The following CCSER1 variants were observed in gnomAD, a reference collection of about 807,000 sequenced individuals.
The protein encoded by CCSER1 is serine-rich coiled-coil domain-containing protein 1.
In CCSER1, 41 loss-of-function variants were observed where a neutral mutation model predicts 82.0. The ratio of observed to expected loss-of-function variants is 0.50; its 90% confidence interval spans 0.39 to 0.65. The LOEUF (loss-of-function observed/expected upper bound fraction) is 0.65, where lower values mean the gene tolerates loss of function less well. CCSER1 is among the 30% of genes least tolerant of loss of function. The probability of loss-of-function intolerance (pLI) is 0.00; values close to 1 mark genes in which losing one functional copy is unlikely to be tolerated. For synonymous variants in CCSER1, 414 were observed against 383.9 expected (o/e 1.08, Z -0.92); for missense variants, 1,119 against 1,064.2 (o/e 1.05, Z -0.72).
chr4:91,375,338 A>T (rs895125109), intron 10 of CCSER1, among the ~76,000 whole-genome samples: 3 of 152,222 alleles, frequency 2.0e-5, no homozygotes, highest in Non-Finnish European at 4.4e-5. Flanking sequence ...TAAAATGACC[A>T]GAAGTAAATT....
At chr4:90,591,412 C>T (rs968799518) in intron 5 of CCSER1, among the ~76,000 whole-genome samples, 6 of 151,908 alleles carry the variant, frequency 3.9e-5, no homozygotes, top group African/African-American at 7.3e-5. Context: ...GACATTGATG[C>T]GGCCAGCAAA....
intron 10 of CCSER1, among the ~76,000 whole-genome samples, chr4:91,537,555 G>A (rs1021059739): frequency 3.9e-5 from 6 of 151,910 alleles, no homozygotes; most frequent in African/African-American, 1.4e-4. Context: ...TAAAGGACCT[G>A]ACACTTTAAA....
chr4:90,800,437 G>C (rs1168631300), intron 7 of CCSER1, among the ~76,000 whole-genome samples: 1 of 151,898 alleles, frequency 6.6e-6, no homozygotes, highest in Non-Finnish European at 1.5e-5. Flanking sequence ...AGTTTACATT[G>C]TGGGAGGAGA....
chr4:90,978,575 C>CAGCAG (rs1735817556), intron 9 of CCSER1, among the ~76,000 whole-genome samples: 1 of 150,716 alleles, frequency 6.6e-6, no homozygotes, highest in African/African-American at 2.5e-5. Context: ...CCTCACATAG[C>CAGCAG]TTCTCAATAT....
intron 1 of CCSER1, among the ~76,000 whole-genome samples, chr4:90,300,635 A>C (rs74396398): frequency 0.014 from 2,169 of 152,242 alleles, 33 homozygotes; most frequent in African/African-American, 0.042. Flanking sequence ...AGGGGTGTCC[A>C]AATTCTAGGA....
chr4:91,232,374 C>G (rs146291292), intron 10 of CCSER1, among the ~76,000 whole-genome samples: 232 of 151,812 alleles, frequency 1.5e-3, no homozygotes, highest in Middle Eastern at 6.8e-3. Flanking sequence ...TATATCTATA[C>G]AGTAGAATTC....
rs368639555 is a variant in CCSER1, at chr4:91,135,015, G to T, written c.2217+49021G>T. Among the ~76,000 whole-genome samples, 444 of 151,404 alleles carry T rather than the reference G, an allele frequency of 2.9e-3. 1 individual carries two copies. The highest frequency in any genetic ancestry group is 0.01 in the African/African-American group (418 of 41,216). On this transcript the variant is annotated intron_variant, in intron 10 of 10. Coordinates refer to ENST00000509176, the MANE Select transcript of CCSER1 (RefSeq NM_001145065.2). ...GCAGAGCTTGCACTGAGCTGAGATTGCACCACTCCACTCCAGCCTGGCGAC... is the reference window on the plus strand; with the variant it reads ...GCAGAGCTTGCACTGAGCTGAGATTTCACCACTCCACTCCAGCCTGGCGAC...
intron 10 of CCSER1, among the ~76,000 whole-genome samples, chr4:91,273,896 GTA>G (rs577077391): frequency 1.3e-5 from 2 of 152,120 alleles, no homozygotes; most frequent in Non-Finnish European, 2.9e-5. Flanking sequence ...TTTCTGTGGT[GTA>G]TCACCAAAGC....
At chr4:91,187,740 C>A (rs1342659268) in intron 10 of CCSER1, among the ~76,000 whole-genome samples, 1 of 152,066 alleles carries the variant, frequency 6.6e-6, no homozygotes, top group Non-Finnish European at 1.5e-5. Flanking sequence ...TTTAGTAGAG[C>A]TGTGGTTTCA....
At chr4:91,075,363 T>C (rs758744736) in intron 9 of CCSER1, among the ~76,000 whole-genome samples, 2 of 152,058 alleles carry the variant, frequency 1.3e-5, no homozygotes, top group African/African-American at 4.8e-5. Context: ...TAGTGAGAAA[T>C]ATGTATACTG....
rs575497874 is a variant in CCSER1, at chr4:90,951,463, T to A, written c.2172+28016T>A. 1.2e-4 allele frequency among the ~76,000 whole-genome samples: 18 copies of A among 152,196 alleles called. No individual in the cohort carries two copies. The East Asian group carries it at 3.3e-3, about 28-fold the overall frequency. ...GGAAACTTTTTTCGGTTACTTTTCTTCCTTTCATAAATGTCTCATGAGGCG... is the reference window on the plus strand; with the variant it reads ...GGAAACTTTTTTCGGTTACTTTTCTACCTTTCATAAATGTCTCATGAGGCG... On this transcript the variant is annotated intron_variant, in intron 9 of 10. Transcript: ENST00000509176.
At chr4:91,185,831 T>TG (rs1734485350) in intron 10 of CCSER1, among the ~76,000 whole-genome samples, 1 of 152,164 alleles carries the variant, frequency 6.6e-6, no homozygotes, top group East Asian at 1.9e-4. Flanking sequence ...CTCCAGGAAA[T>TG]GGAGTATTTC....
chr4:91,118,435 T>G (rs1252499888), intron 10 of CCSER1, among the ~76,000 whole-genome samples: 1 of 151,828 alleles, frequency 6.6e-6, no homozygotes, highest in Non-Finnish European at 1.5e-5. Flanking sequence ...CCACTGCACT[T>G]GGCTAATTTT....
intron 10 of CCSER1, among the ~76,000 whole-genome samples, chr4:91,519,692 C>A (rs74935124): frequency 3.6e-4 from 55 of 152,310 alleles, no homozygotes; most frequent in African/African-American, 1.3e-3. Flanking sequence ...GCATCTCCCA[C>A]TCACTCACTA....
chr4:90,474,510 T>C (rs1764807217), intron 5 of CCSER1, among the ~76,000 whole-genome samples: 1 of 152,188 alleles, frequency 6.6e-6, no homozygotes, highest in African/African-American at 2.4e-5. Flanking sequence ...TGGAGCCGAC[T>C]TGGGAGAGCC....
At chr4:90,770,926 C>T (rs1001969857) in intron 7 of CCSER1, among the ~76,000 whole-genome samples, 1 of 152,086 alleles carries the variant, frequency 6.6e-6, no homozygotes, top group Non-Finnish European at 1.5e-5. Flanking sequence ...CAAAGGAAAT[C>T]TATCACCTAA....
chr4:91,403,360 C>T (rs977121487), intron 10 of CCSER1, among the ~76,000 whole-genome samples: 1 of 152,092 alleles, frequency 6.6e-6, no homozygotes, highest in Admixed American at 6.6e-5. Flanking sequence ...ATTTCACTTC[C>T]TCATTGCTAA....
intron 4 of CCSER1, among the ~76,000 whole-genome samples, chr4:90,451,414 A>G (rs1355220486): frequency 6.6e-6 from 1 of 152,128 alleles, no homozygotes; most frequent in Non-Finnish European, 1.5e-5. Flanking sequence ...GGGACACGCC[A>G]TTGACTGAGG....
chr4:90,574,964 AGAAT>A (rs1379678791), intron 5 of CCSER1, among the ~76,000 whole-genome samples: 1 of 152,164 alleles, frequency 6.6e-6, no homozygotes, highest in African/African-American at 2.4e-5. Context: ...TTGCTCATTT[AGAAT>A]TTCAAGTTCT....
Sources: allele counts gnomAD v4.1 joint callset (sites outside exome capture counted in the v4.1 genomes callset), GRCh38; gene constraint gnomAD v4.1.1; transcripts MANE v1.5; gene names NCBI Gene and HGNC (gene_info 2026-07-23, HGNC 2026-07-21).